PHLPP1: variants seen among roughly 807,000 people sequenced by gnomAD.
PHLPP1 encodes the protein PH domain and leucine rich repeat protein phosphatase 1, also known as PH domain leucine-rich repeat-containing protein phosphatase 1.
PHLPP1 carries 42 observed loss-of-function variants against 117.2 expected under a neutral mutation model. The observed-to-expected ratio is 0.36, with a 90% confidence interval of 0.28 to 0.46. PHLPP1 has a LOEUF of 0.46. Ranked by LOEUF, PHLPP1 falls within the 20% of genes least tolerant of loss-of-function variation. PHLPP1 has a pLI of 1.00. For synonymous variants in PHLPP1, 1,042 were observed against 970.7 expected, an observed-to-expected ratio of 1.07 and a Z score of -1.37; for missense variants, 2,084 against 2,241.9, an observed-to-expected ratio of 0.93 and a Z score of 1.42.
At chr18:62,726,583 C>CTTTTTT (rs869190741) in intron 1 of PHLPP1, among the ~76,000 whole-genome samples, 223 of 110,054 alleles carry the variant, frequency 2.0e-3, no homozygotes, top group African/African-American at 2.7e-3. Flanking sequence ...CTGTTCTGTT[C>CTTTTTT]TTTTTTTTTT....
In PHLPP1 at chr18:62,715,765, G is replaced by A. The variant is rs1374316427; in HGVS notation, c.82G>A (p.Ala28Thr). The change falls in exon 1 of 17, where the codon GCT becomes ACT. Residue 28 changes from alanine (A) to threonine (T), a missense_variant. Physicochemically the swap from Ala to Thr is moderately conservative, Grantham distance 58. Coordinates refer to ENST00000262719, the MANE Select transcript of PHLPP1 (RefSeq NM_194449.4). Reference sequence around the variant, plus strand: ...CCGAGCTTCGGCTCCGGCGGCCGCCGCTGCGGCAGCAGCAGCAGCAGCGGC... The same window carrying A: ...CCGAGCTTCGGCTCCGGCGGCCGCCACTGCGGCAGCAGCAGCAGCAGCGGC... ...EDRASAPAAAAAAAAAAAAAA... is the reference protein window; with the variant it reads ...EDRASAPAAATAAAAAAAAAA... 1.9e-6 allele frequency: 2 copies of A among 1,052,686 alleles called. No homozygotes were observed. The highest frequency in any genetic ancestry group is 2.3e-6 in the Non-Finnish European group (2 of 857,090). The allele number at this position is 1,052,686 out of a possible 1,614,324, so 65.2% of individuals were successfully genotyped here.
intron 1 of PHLPP1, among the ~76,000 whole-genome samples, chr18:62,805,915 T>A (rs1913937298): frequency 6.6e-6 from 1 of 151,990 alleles, no homozygotes; most frequent in African/African-American, 2.4e-5. Context: ...TAATAGAATA[T>A]AAAATATTTC....
chr18:62,749,872 T>C (rs1402074027), intron 1 of PHLPP1, among the ~76,000 whole-genome samples: 1 of 152,098 alleles, frequency 6.6e-6, no homozygotes, highest in African/African-American at 2.4e-5. Context: ...AAAAATTAGC[T>C]GGGTATGGTG....
intron 6 of PHLPP1, 22 bp from the exon 7 acceptor site, chr18:62,902,942 C>G (rs1440796305): frequency 6.6e-7 from 1 of 1,517,762 alleles, no homozygotes; most frequent in Non-Finnish European, 9.1e-7. Flanking sequence ...TAATTATAGT[C>G]TCTATGTCCT....
intron 1 of PHLPP1, among the ~76,000 whole-genome samples, chr18:62,757,658 A>C (rs1294762647): frequency 6.6e-6 from 1 of 152,238 alleles, no homozygotes; most frequent in African/African-American, 2.4e-5. Context: ...CTATAAACAC[A>C]TGTAGTTTTT....
At chr18:62,783,317 T>C (rs905254149) in intron 1 of PHLPP1, among the ~76,000 whole-genome samples, 14 of 150,226 alleles carry the variant, frequency 9.3e-5, no homozygotes, top group African/African-American at 3.2e-4. Flanking sequence ...AAGCTCTGCC[T>C]CCTGGGTTCA....
intron 1 of PHLPP1, among the ~76,000 whole-genome samples, chr18:62,728,656 A>C (rs911331035): frequency 6.6e-6 from 1 of 152,032 alleles, no homozygotes; most frequent in African/African-American, 2.4e-5. Context: ...TTACAGGTAC[A>C]CACCACTACA....
chr18:62,842,650 C>T (rs1293125356), intron 3 of PHLPP1, among the ~76,000 whole-genome samples: 4 of 152,186 alleles, frequency 2.6e-5, no homozygotes, highest in East Asian at 3.8e-4. Context: ...AGGCGTGAGC[C>T]ACCGTGCCTG....
At chr18:62,862,013 T>C (rs890201591) in intron 4 of PHLPP1, among the ~76,000 whole-genome samples, 5 of 152,224 alleles carry the variant, frequency 3.3e-5, no homozygotes, top group Non-Finnish European at 7.3e-5. Flanking sequence ...ACACAGATAC[T>C]CCAAATGTTA....
intron 10 of PHLPP1, among the ~76,000 whole-genome samples, chr18:62,938,974 TTTTC>T (rs71340137): frequency 2.0e-3 from 275 of 140,320 alleles, no homozygotes; most frequent in African/African-American, 5.8e-3. Context: ...TTTTTGTCTT[TTTTC>T]TTTCTTTCTT....
chr18:62,898,507 GC>G (rs1916630529), intron 6 of PHLPP1, among the ~76,000 whole-genome samples: 1 of 152,054 alleles, frequency 6.6e-6, no homozygotes, highest in South Asian at 2.1e-4. Flanking sequence ...TTTGCTCAGA[GC>G]CTGCGGTTCT....
intron 3 of PHLPP1, among the ~76,000 whole-genome samples, chr18:62,845,042 C>T (rs1033146946): frequency 2.6e-5 from 4 of 152,138 alleles, no homozygotes; most frequent in African/African-American, 9.7e-5. Context: ...TGTCCCAGTT[C>T]TCTTGTGTAG....
At chr18:62,897,941 A>AT (rs536364156) in intron 6 of PHLPP1, among the ~76,000 whole-genome samples, 136 of 109,042 alleles carry the variant, frequency 1.2e-3, no homozygotes, top group Admixed American at 3.0e-3. Flanking sequence ...CAGATTGATT[A>AT]TTTTTTTCTT....
At chr18:62,821,548 CCAAAA>C (rs1568127689) in intron 1 of PHLPP1, among the ~76,000 whole-genome samples, 2 of 29,322 alleles carry the variant, frequency 6.8e-5, no homozygotes, top group African/African-American at 1.2e-4. Context: ...GACCCTTTAT[CCAAAA>C]AAAAAAAAAA....
chr18:62,870,167 A>G (rs138867411), intron 4 of PHLPP1, among the ~76,000 whole-genome samples: 1,569 of 152,234 alleles, frequency 0.01, 16 homozygotes, highest in Admixed American at 0.031. Context: ...CAATGCTGGA[A>G]TTACAGGTGT....
intron 4 of PHLPP1, among the ~76,000 whole-genome samples, chr18:62,863,169 CTCTCTCTCTCTCTTT>C (rs1193141897): frequency 2.0e-5 from 3 of 151,540 alleles, no homozygotes; most frequent in Non-Finnish European, 4.4e-5. Context: ...ATGGTTCTCT[CTCTCTCTCTCTCTTT>C]TCTCTCTCTC....
chr18:62,761,177 T>G (rs1199618853), intron 1 of PHLPP1, among the ~76,000 whole-genome samples: 2 of 152,104 alleles, frequency 1.3e-5, no homozygotes, highest in Non-Finnish European at 2.9e-5. Context: ...CCCTGGCATT[T>G]TTAATAACAA....
At chr18:62,940,589 C>T (rs1000976261) in intron 10 of PHLPP1, among the ~76,000 whole-genome samples, 2 of 152,042 alleles carry the variant, frequency 1.3e-5, no homozygotes, top group South Asian at 4.1e-4. Flanking sequence ...TGGTCTCGAT[C>T]TCCTGACCTT....
At chr18:62,915,568 T>C (rs1909244872) in intron 9 of PHLPP1, among the ~76,000 whole-genome samples, 1 of 152,234 alleles carries the variant, frequency 6.6e-6, no homozygotes, top group Admixed American at 6.5e-5. Context: ...TTCACTTCAA[T>C]GGCAGGATTT....
Sources: gnomAD v4.1 joint callset for allele counts (sites outside exome capture counted in the v4.1 genomes callset) on GRCh38, gnomAD v4.1.1 for gene constraint, MANE v1.5 for transcripts, NCBI Gene and HGNC (gene_info 2026-07-23, HGNC 2026-07-21) for gene names.